GPR137C: variants seen among roughly 807,000 people sequenced by gnomAD.
GPR137C encodes integral membrane protein GPR137C.
In GPR137C, 27 loss-of-function variants were observed where a neutral mutation model predicts 43.4. The observed-to-expected ratio is 0.62, with a 90% CI of 0.46 to 0.86. The LOEUF (loss-of-function observed/expected upper bound fraction) is 0.86, where lower values mean the gene tolerates loss of function less well. Ranked by LOEUF, GPR137C falls within the 40% of genes least tolerant of loss-of-function variation. The pLI, the probability that GPR137C is intolerant of heterozygous loss-of-function variation, is 0.00. For synonymous variants in GPR137C, 285 were observed against 226.9 expected, an observed-to-expected ratio of 1.26 and a Z score of -2.30; for missense variants, 522 against 534.6, an observed-to-expected ratio of 0.98 and a Z score of 0.23.
intron 1 of GPR137C, among the ~76,000 whole-genome samples, chr14:52,573,971 C>A (rs969048061): frequency 6.6e-6 from 1 of 152,184 alleles, no homozygotes; most frequent in Non-Finnish European, 1.5e-5. Context: ...TGAAAAAAAG[C>A]TCATCATCAC....
At chr14:52,592,720 G>A (rs2038799938) in intron 1 of GPR137C, among the ~76,000 whole-genome samples, 1 of 152,196 alleles carries the variant, frequency 6.6e-6, no homozygotes, top group African/African-American at 2.4e-5. Context: ...GTCAGCTTAA[G>A]GAGATTTTGG....
intron 1 of GPR137C, among the ~76,000 whole-genome samples, chr14:52,578,673 C>CGTGA (rs2038599885): frequency 6.6e-6 from 1 of 152,090 alleles, no homozygotes; most frequent in African/African-American, 2.4e-5. Flanking sequence ...TGGTGGCTCA[C>CGTGA]ACCTGTAATC....
Position 52,636,725 on chromosome 14 carries a change from A to T in GPR137C, c.*1610A>T, listed in dbSNP as rs2039357020. 1 of 152,126 alleles carries T rather than the reference A, an allele frequency of 6.6e-6. No individual in the cohort carries two copies. The highest frequency in any genetic ancestry group is 2.4e-5 in the African/African-American group (1 of 41,458). 9.4% of individuals were successfully genotyped at this position (152,126 alleles called of 1,614,324 possible). On this transcript the variant is annotated 3_prime_UTR_variant, in exon 7 of 7. Transcript: ENST00000321662. ...CAAATAAATTTCTTCTTTTTATGAT[A>T]CAAAATGACTTTGTATTCAATCAGA...
intron 1 of GPR137C, among the ~76,000 whole-genome samples, chr14:52,591,044 A>G (rs1334026354): frequency 7.9e-6 from 1 of 127,056 alleles, no homozygotes; most frequent in African/African-American, 3.1e-5. Context: ...ATGTGTTCTC[A>G]TTGTTCAACT....
At chr14:52,602,808 C>G (rs574366930) in intron 3 of GPR137C, among the ~76,000 whole-genome samples, 1 of 152,106 alleles carries the variant, frequency 6.6e-6, no homozygotes. Context: ...TATGTGCCAT[C>G]TAATTTTTTT....
chr14:52,570,926 T>A (rs937841819), intron 1 of GPR137C, among the ~76,000 whole-genome samples: 1 of 152,142 alleles, frequency 6.6e-6, no homozygotes, highest in Non-Finnish European at 1.5e-5. Context: ...ATTAGACAGA[T>A]TAACGAAACA....
At chr14:52,558,859 C>G (rs779352163) in intron 1 of GPR137C, among the ~76,000 whole-genome samples, 50 of 152,148 alleles carry the variant, frequency 3.3e-4, no homozygotes, top group Non-Finnish European at 4.4e-4. Flanking sequence ...AAAAAAATCA[C>G]TCGGGATATA....
At chr14:52,631,069 T>C (rs560106543) in intron 3 of GPR137C, among the ~76,000 whole-genome samples, 1 of 152,308 alleles carries the variant, frequency 6.6e-6, no homozygotes, top group South Asian at 2.1e-4. Flanking sequence ...AAGCACAAAT[T>C]TCCTTCAATT....
chr14:52,567,200 T>C (rs548527954), intron 1 of GPR137C, among the ~76,000 whole-genome samples: 19 of 152,306 alleles, frequency 1.2e-4, no homozygotes, highest in Middle Eastern at 6.8e-3. Flanking sequence ...CCTTGCTAAG[T>C]GACCTTAAGT....
chr14:52,584,343 A>G (rs185475748), intron 1 of GPR137C, among the ~76,000 whole-genome samples: 27 of 152,270 alleles, frequency 1.8e-4, no homozygotes, highest in African/African-American at 6.3e-4. Flanking sequence ...TTTAAAGGCA[A>G]AATTCTAAAG....
intron 1 of GPR137C, among the ~76,000 whole-genome samples, chr14:52,576,692 T>C (rs2038557893): frequency 6.6e-6 from 1 of 152,194 alleles, no homozygotes; most frequent in South Asian, 2.1e-4. Flanking sequence ...CAAATTAACC[T>C]AATAGACGTT....
intron 3 of GPR137C, among the ~76,000 whole-genome samples, chr14:52,611,037 A>G (rs2039033464): frequency 6.6e-6 from 1 of 152,302 alleles, no homozygotes; most frequent in Non-Finnish European, 1.5e-5. Context: ...TTGCCATAAT[A>G]CTCTCCAAAA....
chr14:52,571,711 A>C, intron 1 of GPR137C, among the ~76,000 whole-genome samples: 1 of 152,146 alleles, frequency 6.6e-6, no homozygotes, highest in South Asian at 2.1e-4. Flanking sequence ...AAGAGCAAAC[A>C]AATTCAAAAG....
At position 52,632,145 on chromosome 14, in the gene GPR137C, T is replaced by A. The variant is rs575247992; in HGVS notation, c.718-15T>A. 7 of 1,583,206 alleles carry A rather than the reference T, an allele frequency of 4.4e-6. No individual in the cohort carries two copies. The African/African-American group carries it at 8.1e-5, about 18-fold the overall frequency. On this transcript the variant is annotated splice_polypyrimidine_tract_variant and intron_variant, in intron 3 of 6. Coordinates refer to ENST00000321662, the MANE Select transcript of GPR137C (RefSeq NM_001099652.2). ...TGTGTAGAATACTAAAGATGATGATTTTTATTTGTTTTAGGGTATGTCTCT... is the reference window on the plus strand; with the variant it reads ...TGTGTAGAATACTAAAGATGATGATATTTATTTGTTTTAGGGTATGTCTCT...
At chr14:52,625,476 C>T (rs1355812376) in intron 3 of GPR137C, among the ~76,000 whole-genome samples, 1 of 111,842 alleles carries the variant, frequency 8.9e-6, no homozygotes. Context: ...AGTGAGACTC[C>T]ATCCCAAAAA....
chr14:52,558,689 G>A (rs1023794298), intron 1 of GPR137C, among the ~76,000 whole-genome samples: 4 of 152,074 alleles, frequency 2.6e-5, no homozygotes, highest in African/African-American at 9.7e-5. Flanking sequence ...TAAATACATA[G>A]TACACAATAA....
intron 1 of GPR137C, among the ~76,000 whole-genome samples, chr14:52,583,209 TTTA>T (rs1401043834): frequency 2.0e-5 from 3 of 152,188 alleles, no homozygotes; most frequent in African/African-American, 7.2e-5. Context: ...AAAGCATGTG[TTTA>T]TTGTTTCATG....
chr14:52,575,102 G>A (rs7146934), intron 1 of GPR137C, among the ~76,000 whole-genome samples: 18,164 of 152,084 alleles, frequency 0.12, 1,232 homozygotes, highest in Non-Finnish European at 0.15. Flanking sequence ...TCAATGAAAT[G>A]TTTATAGTAA....
intron 3 of GPR137C, among the ~76,000 whole-genome samples, chr14:52,616,749 G>C (rs1342501711): frequency 6.6e-6 from 1 of 152,114 alleles, no homozygotes; most frequent in Non-Finnish European, 1.5e-5. Flanking sequence ...CAGAAGTTTA[G>C]TTGCCAGAAA....
Sources: gnomAD v4.1 joint callset for allele counts (sites outside exome capture counted in the v4.1 genomes callset) on GRCh38, gnomAD v4.1.1 for gene constraint, MANE v1.5 for transcripts, NCBI Gene and HGNC (gene_info 2026-07-23, HGNC 2026-07-21) for gene names.